The following MLKL variants were observed in gnomAD, a reference collection of about 807,000 sequenced individuals.
The protein encoded by MLKL is mixed lineage kinase domain-like protein.
A neutral mutation model predicts 56.5 loss-of-function variants in MLKL; 55 were observed. The ratio of observed to expected loss-of-function variants is 0.97; its 90% confidence interval spans 0.78 to 1.22. The LOEUF (loss-of-function observed/expected upper bound fraction) is 1.22, where lower values mean the gene tolerates loss of function less well. MLKL is among the 50% of genes most tolerant of loss of function. The probability of loss-of-function intolerance (pLI) is 0.00; values close to 1 mark genes in which losing one functional copy is unlikely to be tolerated. For synonymous variants in MLKL, 251 were observed against 208.3 expected, an observed-to-expected ratio of 1.20 and a Z score of -1.76; for missense variants, 694 against 573.9, an observed-to-expected ratio of 1.21 and a Z score of -2.14.
Position 74,691,456 on chromosome 16 carries a change from T to G in MLKL, c.543A>C (p.Pro181=), listed in dbSNP as rs753217034. Residue 181 remains proline (P), a synonymous_variant, in exon 4 of 11, where the codon CCA becomes CCC. Transcript: ENST00000308807. ...GCGGGATCTCCTGCATGCATTTTGG[T>G]GGTAAATCTGACCTCACCCCCGAGA... The part of the protein sequence containing the change: ...EIKETLRQYL[P]PKCMQEIPQE... 5 of 1,612,460 alleles carry G rather than the reference T, an allele frequency of 3.1e-6. No individual in the cohort carries two copies. Among genetic ancestry groups the G allele is most frequent in the Admixed American group, 3.4e-5 (2 of 59,574 alleles).
chr16:74,687,067 C>A (rs886321342), intron 4 of MLKL, among the ~76,000 whole-genome samples: 1 of 152,206 alleles, frequency 6.6e-6, no homozygotes, highest in South Asian at 2.1e-4. Context: ...CCTCTGCCTC[C>A]TGGGTTCAAG....
At chr16:74,679,115 T>G in intron 6 of MLKL, 135 bp from the exon 7 acceptor site, 3 of 660,598 alleles carry the variant, frequency 4.5e-6, no homozygotes, top group South Asian at 1.8e-5. Context: ...AAAACTGGGA[T>G]GTAGAGGCAA....
At chr16:74,696,236 A>T (rs1218141454) in intron 1 of MLKL, among the ~76,000 whole-genome samples, 1 of 152,184 alleles carries the variant, frequency 6.6e-6, no homozygotes, top group Non-Finnish European at 1.5e-5. Context: ...TTAAGTGATC[A>T]AGGAATAAAC....
chr16:74,685,426 A>T, intron 5 of MLKL, 60 bp downstream of exon 5: 1 of 1,255,106 alleles, frequency 8.0e-7, no homozygotes, highest in South Asian at 1.2e-5. Context: ...AACACATTAA[A>T]ACACAGGAGG....
intron 9 of MLKL, 81 bp downstream of exon 9, chr16:74,675,274 G>A: frequency 1.3e-6 from 2 of 1,599,288 alleles, no homozygotes; most frequent in Non-Finnish European, 1.7e-6. Context: ...ATTGCCAGGG[G>A]CAGCACTGAT....
chr16:74,675,516 C>A, intron 8 of MLKL, 97 bp downstream of exon 8: 3 of 1,570,130 alleles, frequency 1.9e-6, no homozygotes, highest in Non-Finnish European at 2.6e-6. Context: ...CAATTTCATT[C>A]AACAGAGTTG....
chr16:74,673,454 GTGA>G (rs1959362291), intron 10 of MLKL, among the ~76,000 whole-genome samples: 1 of 152,124 alleles, frequency 6.6e-6, no homozygotes, highest in Non-Finnish European at 1.5e-5. Context: ...CTGACCACAA[GTGA>G]TCTGCCTGCC....
chr16:74,675,415 A>G lies in MLKL; in HGVS notation c.1191-11T>C. ...AGGACGATTCCAAAGCTAAAAGAAA[A>G]CCAAGAAACTGAACAACCATAACTA... On this transcript the variant is annotated splice_polypyrimidine_tract_variant and intron_variant, in intron 8 of 10. Transcript: ENST00000308807. 1 of 1,613,296 alleles carries G rather than the reference A, an allele frequency of 6.2e-7. No individual in the cohort carries two copies. The highest frequency in any genetic ancestry group is 8.5e-7 in the Non-Finnish European group (1 of 1,179,970).
chr16:74,675,548 A>G (rs1361844589), intron 8 of MLKL, 65 bp downstream of exon 8: 1 of 1,578,344 alleles, frequency 6.3e-7, no homozygotes, highest in Non-Finnish European at 8.6e-7. Flanking sequence ...TCCTTGGAGG[A>G]GTTTGATTTG....
intron 1 of MLKL, among the ~76,000 whole-genome samples, chr16:74,699,737 C>T (rs1961262085): frequency 6.6e-6 from 1 of 152,098 alleles, no homozygotes; most frequent in Non-Finnish European, 1.5e-5. Flanking sequence ...GAGTTTGAGA[C>T]CAGCCTGGGT....
chr16:74,687,895 A>G (rs1355897525), intron 4 of MLKL, among the ~76,000 whole-genome samples: 2 of 147,796 alleles, frequency 1.4e-5, no homozygotes, highest in Non-Finnish European at 3.0e-5. Context: ...GCGTGATCTC[A>G]GGTCACTGCA....
chr16:74,684,620 G>C (rs374599920), intron 5 of MLKL, among the ~76,000 whole-genome samples: 2 of 151,146 alleles, frequency 1.3e-5, no homozygotes, highest in African/African-American at 4.9e-5. Context: ...TCAGCCTCCC[G>C]AGTAGCTGGG....
Position 74,675,354 on chromosome 16 carries a change from C to A in MLKL, c.1240+1G>T. ...GCTGAGCCAGTCTTCACATTCTTCA[C>A]CTTGAAACGGGATATCTCCAGTGGC... On this transcript the variant is annotated splice_donor_variant, in intron 9 of 10. Coordinates refer to ENST00000308807, the MANE Select transcript of MLKL (RefSeq NM_152649.4). LOFTEE classifies it high-confidence loss of function. 2 of 1,614,174 alleles carry A rather than the reference C, an allele frequency of 1.2e-6. No homozygotes were observed. The highest frequency in any genetic ancestry group is 1.7e-6 in the Non-Finnish European group (2 of 1,180,030).
rs143920466 is a variant in MLKL, at chr16:74,675,627, C to G, written c.1176G>C (p.Lys392Asn). Residue 392 changes from lysine (K) to asparagine (N), a missense_variant, in exon 8 of 11, where the codon AAG becomes AAC. Physicochemically the swap from Lys to Asn is moderately conservative, Grantham distance 94 (BLOSUM62 0). Coordinates refer to ENST00000308807, the MANE Select transcript of MLKL (RefSeq NM_152649.4). ...LEDVFYQYDVKSEIYSFGIVL... is the reference protein window; with the variant it reads ...LEDVFYQYDVNSEIYSFGIVL... ...CGTGAGTGTACCTGTATATTTCAGACTTTACATCATATTGATAAAATACAT... is the reference window on the plus strand; with the variant it reads ...CGTGAGTGTACCTGTATATTTCAGAGTTTACATCATATTGATAAAATACAT... 1 of 1,613,442 alleles carries G rather than the reference C, an allele frequency of 6.2e-7. No individual in the cohort carries two copies.
At chr16:74,692,502 A>G in intron 2 of MLKL, 86 bp from the exon 3 acceptor site, 1 of 1,086,890 alleles carries the variant, frequency 9.2e-7, no homozygotes, top group Non-Finnish European at 1.3e-6. Flanking sequence ...AAAACTGTTG[A>G]GATATCATTT....
chr16:74,674,974 C>T lies in MLKL; in HGVS notation c.1367G>A (p.Arg456Gln), dbSNP rs145199275. Residue 456 changes from arginine to glutamine, a missense_variant, in exon 10 of 11, where the codon CGG (arginine) becomes CAG (glutamine). Coordinates refer to ENST00000308807, the MANE Select transcript of MLKL (RefSeq NM_152649.4). The stretch of plus-strand genomic sequence containing the variant: ...AAGAACCCTACCATCCACAGAGGGC[C>T]GCACAGAGGGATCATGGGCCCGGCA... ...DECRAHDPSV[R>Q]PSVDEILKKL... 22 of 1,614,006 alleles carry T rather than the reference C, an allele frequency of 1.4e-5. No individual in the cohort carries two copies. The highest frequency in any genetic ancestry group is 4.5e-5 in the East Asian group (2 of 44,896).
At chr16:74,698,260 GTTTTTT>G (rs557913880) in intron 1 of MLKL, among the ~76,000 whole-genome samples, 1 of 145,834 alleles carries the variant, frequency 6.9e-6, no homozygotes, top group African/African-American at 2.5e-5. Flanking sequence ...AACAAAGTTA[GTTTTTT>G]TTTTTTTAAC....
chr16:74,676,531 T>G, intron 7 of MLKL: 9 of 941,046 alleles, frequency 9.6e-6, no homozygotes, highest in African/African-American at 1.8e-5. Context: ...TGACATTCTC[T>G]TACATCTAGC....
At chr16:74,680,652 G>T (rs1232388971) in intron 6 of MLKL, among the ~76,000 whole-genome samples, 1 of 152,108 alleles carries the variant, frequency 6.6e-6, no homozygotes, top group African/African-American at 2.4e-5. Context: ...GACTATAGGT[G>T]CGTGCCATCA....
Sources: allele counts gnomAD v4.1 joint callset (sites outside exome capture counted in the v4.1 genomes callset), GRCh38; gene constraint gnomAD v4.1.1; transcripts MANE v1.5; gene names NCBI Gene and HGNC (gene_info 2026-07-23, HGNC 2026-07-21).